The following CEP63 variants were observed in gnomAD, a reference collection of about 807,000 sequenced individuals.
The protein encoded by CEP63 is centrosomal protein 63.
A neutral mutation model predicts 89.1 loss-of-function variants in CEP63; 84 were observed. That is an observed-to-expected ratio of 0.94 (90% CI 0.79 to 1.13). The LOEUF is 1.13. CEP63 is among the 50% of genes most tolerant of loss of function. CEP63 has a pLI of 0.00. For synonymous variants in CEP63, 267 were observed against 272.5 expected (o/e 0.98, Z 0.20); for missense variants, 838 against 813.3 (o/e 1.03, Z -0.37).
At chr3:134,645,400 C>T in the CEP63 span, among the ~76,000 whole-genome samples, 1 of 152,224 alleles carries the variant, frequency 6.6e-6, no homozygotes, top group African/African-American at 2.4e-5. Context: ...TGCACTCCAC[C>T]AGCACATGCC....
the CEP63 span, among the ~76,000 whole-genome samples, chr3:134,778,340 G>T: frequency 6.6e-6 from 1 of 151,812 alleles, no homozygotes; most frequent in African/African-American, 2.4e-5. Context: ...CAGGTGATCT[G>T]CCCACCTCGC....
At chr3:134,598,287 C>T in the CEP63 span, among the ~76,000 whole-genome samples, 1 of 152,230 alleles carries the variant, frequency 6.6e-6, no homozygotes, top group East Asian at 1.9e-4. Context: ...ATGAGTGACA[C>T]GAGGCTGACT....
chr3:134,621,141 C>T, the CEP63 span, among the ~76,000 whole-genome samples: 9 of 152,324 alleles, frequency 5.9e-5, 1 homozygote, highest in South Asian at 1.9e-3. Context: ...GTAGCAGCCC[C>T]TGGTCGTGGT....
At chr3:134,629,603 T>C in the CEP63 span, 1 of 1,582,352 alleles carries the variant, frequency 6.3e-7, no homozygotes, top group Non-Finnish European at 8.6e-7. Flanking sequence ...CCACCATGAG[T>C]ACCTGTGTCA....
chr3:134,765,477 G>A, the CEP63 span, among the ~76,000 whole-genome samples: 1 of 152,206 alleles, frequency 6.6e-6, no homozygotes, highest in South Asian at 2.1e-4. Flanking sequence ...GTGAGTGAGT[G>A]AATAAGGGGG....
chr3:134,494,262 A>AT (rs1205951599), intron 1 of CEP63, among the ~76,000 whole-genome samples: 3 of 150,594 alleles, frequency 2.0e-5, no homozygotes, highest in African/African-American at 7.3e-5. Context: ...CTACAGGTGC[A>AT]TGCCACCATG....
At chr3:134,703,918 A>T in the CEP63 span, among the ~76,000 whole-genome samples, 1 of 152,212 alleles carries the variant, frequency 6.6e-6, no homozygotes, top group Admixed American at 6.5e-5. Context: ...AGTCTCTCTT[A>T]GATAAAGCTG....
At chr3:134,696,972 G>A in the CEP63 span, among the ~76,000 whole-genome samples, 9 of 152,230 alleles carry the variant, frequency 5.9e-5, no homozygotes, top group Non-Finnish European at 1.0e-4. Flanking sequence ...GATCATGGAA[G>A]TAAAACTATG....
At chr3:134,634,808 G>A in the CEP63 span, among the ~76,000 whole-genome samples, 31 of 152,308 alleles carry the variant, frequency 2.0e-4, no homozygotes, top group Admixed American at 5.2e-4. Context: ...TGGGACTTGA[G>A]TATGCCCACA....
At chr3:134,546,572 G>C (rs1953384897) in intron 8 of CEP63, among the ~76,000 whole-genome samples, 3 of 152,044 alleles carry the variant, frequency 2.0e-5, no homozygotes, top group African/African-American at 7.2e-5. Context: ...GGCTAGGCCG[G>C]TCTTAAATTC....
At position 134,564,945 on chromosome 3, in the gene CEP63, T is replaced by A; in HGVS notation, c.*3410T>A. On this transcript the variant is annotated 3_prime_UTR_variant, in exon 15 of 15. Coordinates refer to ENST00000675561, the MANE Select transcript of CEP63 (RefSeq NM_001353108.3). ...TAATAGTTAATGGGTTGTCCAAATTTGTCAGAACATTTGACTGTAATTTAA... is the reference window on the plus strand; with the variant it reads ...TAATAGTTAATGGGTTGTCCAAATTAGTCAGAACATTTGACTGTAATTTAA... The A allele has an allele frequency of 2.0e-6, 2 of 982,582 alleles. No homozygotes were observed. The highest frequency in any genetic ancestry group is 2.4e-6 in the Non-Finnish European group (2 of 827,296). 60.9% of individuals were successfully genotyped at this position (982,582 alleles called of 1,614,324 possible). A position where few individuals can be genotyped will look rare whatever the true frequency, so the allele number is the denominator to read the frequency against.
intron 2 of CEP63, among the ~76,000 whole-genome samples, chr3:134,498,064 T>C (rs772414673): frequency 6.6e-5 from 10 of 152,210 alleles, no homozygotes; most frequent in Non-Finnish European, 1.0e-4. Context: ...CTTTTATGGT[T>C]CGGTGTGAAT....
chr3:134,565,653 C>T (rs760827479), downstream of CEP63, among the ~76,000 whole-genome samples: 25 of 151,624 alleles, frequency 1.6e-4, no homozygotes, highest in Non-Finnish European at 2.9e-4. Context: ...AACATTGATT[C>T]ACTAATGAAT....
intron 6 of CEP63, among the ~76,000 whole-genome samples, chr3:134,543,937 T>C (rs1952609190): frequency 1.4e-5 from 2 of 147,848 alleles, no homozygotes; most frequent in African/African-American, 2.5e-5. Context: ...ATGTTCTTCC[T>C]TTATACCATT....
chr3:134,571,433 G>A (rs1451895039), intron 11 of CEP63, among the ~76,000 whole-genome samples: 1 of 152,224 alleles, frequency 6.6e-6, no homozygotes, highest in Admixed American at 6.5e-5. Context: ...TGTAATCCCA[G>A]CGCTTTGGGA....
the CEP63 span, among the ~76,000 whole-genome samples, chr3:134,599,999 C>T: frequency 3.3e-5 from 5 of 152,084 alleles, no homozygotes; most frequent in Non-Finnish European, 5.9e-5. Flanking sequence ...CAACAGCCAC[C>T]GGCCCACACA....
At position 134,537,091 on chromosome 3, in the gene CEP63, G is replaced by A. The variant is rs539589049; in HGVS notation, c.442-64G>A. Reference sequence around the variant, plus strand: ...TGGGGAGAAATTAAAGTTAAAGGGAGTCTGGGAAGTAGTGACAGTGAGGAG... The same window carrying A: ...TGGGGAGAAATTAAAGTTAAAGGGAATCTGGGAAGTAGTGACAGTGAGGAG... On this transcript the variant is annotated intron_variant, in intron 5 of 14. Transcript: ENST00000675561. 90 of 987,830 alleles carry A rather than the reference G, an allele frequency of 9.1e-5. No homozygotes were observed. In the African/African-American group the frequency reaches 1.4e-3, roughly 15 times the overall value. The allele number at this position is 987,830 out of a possible 1,614,324, so 61.2% of individuals were successfully genotyped here.
the CEP63 span, among the ~76,000 whole-genome samples, chr3:134,641,962 G>A: frequency 6.6e-6 from 1 of 152,202 alleles, no homozygotes; most frequent in Non-Finnish European, 1.5e-5. Flanking sequence ...GCCATGTGCA[G>A]TTGAGTTCAT....
At chr3:134,577,935 C>T (rs1040280497), downstream of CEP63, among the ~76,000 whole-genome samples, 2 of 152,122 alleles carry the variant, frequency 1.3e-5, no homozygotes, top group African/African-American at 4.8e-5. Flanking sequence ...ATCTGTGTCC[C>T]TGCAAAGGAC....
Sources: gnomAD v4.1 joint callset for allele counts (sites outside exome capture counted in the v4.1 genomes callset) on GRCh38, gnomAD v4.1.1 for gene constraint, MANE v1.5 for transcripts, NCBI Gene and HGNC (gene_info 2026-07-23, HGNC 2026-07-21) for gene names.